CLDN3: variants seen among roughly 807,000 people sequenced by gnomAD.
CLDN3 encodes claudin-3.
Under a neutral mutation model 16.3 loss-of-function variants are expected in CLDN3, and 6 were observed. That is an observed-to-expected ratio of 0.37 (90% confidence interval 0.20 to 0.73). The LOEUF (loss-of-function observed/expected upper bound fraction) is 0.73. CLDN3 is among the 30% of genes least tolerant of loss of function. The pLI, the probability that CLDN3 is intolerant of heterozygous loss-of-function variation, is 0.52. For synonymous variants in CLDN3, 145 were observed against 150.1 expected (o/e 0.97, Z 0.25); for missense variants, 248 against 305.2 (o/e 0.81, Z 1.40).
chr7:73,769,671 CG>C lies in CLDN3; in HGVS notation c.378del (p.Ala127ProfsTer172), dbSNP rs1253204210. 6.2e-7 allele frequency: 1 copy of C among 1,612,726 alleles called. No individual in the cohort carries two copies. Among genetic ancestry groups the C allele is most frequent in the Non-Finnish European group, 8.5e-7 (1 of 1,179,816 alleles). On this transcript the variant is annotated frameshift_variant, in exon 1 of 1. Coordinates refer to ENST00000395145, the MANE Select transcript of CLDN3 (RefSeq NM_001306.4). LOFTEE classifies it high-confidence loss of function. ...ACCGGCACGAGGGTGAGCAGGGCGG[CG>C]AGAAGGAACAGCACGCCTGCCACGA... is the stretch of plus-strand genomic sequence containing the variant. ...ITIVAGVLFL[L>X]AALLTLVPVS...
rs1787029774 is a variant in CLDN3 at position 73,770,154 on chromosome 7, C to A, written c.-105G>T. On this transcript the variant is annotated 5_prime_UTR_variant, in exon 1 of 1. Transcript: ENST00000395145. The surrounding 1 kb of genome is among the most constrained non-coding windows in gnomAD (Gnocchi z 5.7). The stretch of plus-strand genomic sequence containing the variant: ...GAGCTGCGGCGCCCCGACGGACGGA[C>A]GGACGGACGGACTGACTCACCGACG... The A allele has an allele frequency of 2.2e-6, 3 of 1,364,016 alleles. No individual in the cohort carries two copies. In the South Asian group the frequency reaches 5.1e-5, roughly 23 times the overall value. 84.5% of individuals were successfully genotyped at this position (1,364,016 alleles called of 1,614,324 possible). A position where few individuals can be genotyped will look rare whatever the true frequency, so the allele number is the denominator to read the frequency against.
chr7:73,769,549 C>T lies in CLDN3; in HGVS notation c.501G>A (p.Trp167Ter). ...CCAGCAGCTGCAGCGCCGCGGCCGCCCAGCCCACGTACAGGCCCGCGCCCA... is the reference window on the plus strand; with the variant it reads ...CCAGCAGCTGCAGCGCCGCGGCCGCTCAGCCCACGTACAGGCCCGCGCCCA... ...REMGAGLYVG[W>*]AAAALQLLGG... Residue 167 changes from tryptophan (W) to a stop codon, truncating the protein, a stop_gained, in exon 1 of 1, where the codon TGG becomes TGA. Coordinates refer to ENST00000395145, the MANE Select transcript of CLDN3 (RefSeq NM_001306.4). LOFTEE classifies it high-confidence loss of function. 1 of 1,602,454 alleles carries T rather than the reference C, an allele frequency of 6.2e-7. No individual in the cohort carries two copies. Among genetic ancestry groups the T allele is most frequent in the Middle Eastern group, 1.7e-4 (1 of 5,996 alleles).
At position 73,770,125 on chromosome 7, in the gene CLDN3, G is replaced by A. The variant is rs2130426680; in HGVS notation, c.-76C>T. 1.4e-6 allele frequency: 2 copies of A among 1,384,218 alleles called. No homozygotes were observed. The highest frequency in any genetic ancestry group is 5.9e-5 in the East Asian group (2 of 33,962). 85.7% of individuals were successfully genotyped at this position (1,384,218 alleles called of 1,614,324 possible). A position where few individuals can be genotyped will look rare whatever the true frequency, so the allele number is the denominator to read the frequency against. ...CGAGGGGCCGGGGCCGCTGGGCCTG[G>A]CGGGAGCTGCGGCGCCCCGACGGAC... On this transcript the variant is annotated 5_prime_UTR_variant, in exon 1 of 1. Transcript: ENST00000395145. The surrounding 1 kb of genome is among the most constrained non-coding windows in gnomAD (Gnocchi z 5.7).
Position 73,769,524 on chromosome 7 carries a change from C to T in CLDN3, c.526G>A (p.Gly176Arg). The change falls in exon 1 of 1, where the codon GGG (glycine) becomes AGG (arginine). Residue 176 changes from glycine (G) to arginine (R), a missense_variant. Transcript: ENST00000395145. ...CACGAGCAGCAGAGCAGCGCGCCCC[C>T]CAGCAGCTGCAGCGCCGCGGCCGCC... ...GWAAAALQLL[G>R]GALLCCSCPP... The T allele has an allele frequency of 3.1e-6, 5 of 1,606,540 alleles. No individual in the cohort carries two copies. The highest frequency in any genetic ancestry group is 4.2e-6 in the Non-Finnish European group (5 of 1,177,114).
chr7:73,769,424 C>T lies in CLDN3; in HGVS notation c.626G>A (p.Ser209Asn), dbSNP rs1436474524. The T allele has an allele frequency of 2.0e-5, 32 of 1,602,916 alleles. No individual in the cohort carries two copies. The highest frequency in any genetic ancestry group is 2.6e-5 in the Non-Finnish European group (31 of 1,179,638). ...SAPRSTGPGA[S>N]LGTGYDRKDY... ...CTTGCGGTCGTAGCCTGTGCCCAGG[C>T]TGGCTCCCGGGCCGGTGGAGCGCGG... The change falls in exon 1 of 1, where the codon AGC becomes AAC. Residue 209 changes from serine (S) to asparagine (N), a missense_variant. By Grantham distance (46) the Ser-to-Asn change is conservative (BLOSUM62 1). Coordinates refer to ENST00000395145, the MANE Select transcript of CLDN3 (RefSeq NM_001306.4).
chr7:73,769,333 G>A lies in CLDN3; in HGVS notation c.*54C>T, dbSNP rs1444708497. ...CTGGTGCGCGCTCCAGCTCGCGGTG[G>A]TGGTGGTGGTGTTGGTGGTGGTGGT... On this transcript the variant is annotated 3_prime_UTR_variant, in exon 1 of 1. Transcript: ENST00000395145. The A allele has an allele frequency of 1.3e-6, 2 of 1,543,234 alleles. No individual in the cohort carries two copies. The highest frequency in any genetic ancestry group is 2.7e-5 in the African/African-American group (2 of 73,272).
In CLDN3 at chr7:73,769,345, TTGGTGGTGG is replaced by T. The variant is rs782032979; in HGVS notation, c.*33_*41del. On this transcript the variant is annotated 3_prime_UTR_variant, in exon 1 of 1. Coordinates refer to ENST00000395145, the MANE Select transcript of CLDN3 (RefSeq NM_001306.4). ...CCAGCTCGCGGTGGTGGTGGTGGTG[TTGGTGGTGG>T]TGGTGGTGGTGGGGTCTCCCTGCGT... The T allele has an allele frequency of 1.7e-4, 256 of 1,546,302 alleles. 3 individuals are homozygous for T. Among genetic ancestry groups the T allele is most frequent in the East Asian group, 1.6e-3 (70 of 43,490 alleles).
rs932926600 is a variant in CLDN3, at chr7:73,770,130, A to C, written c.-81T>G. 1.4e-6 allele frequency: 2 copies of C among 1,381,494 alleles called. No homozygotes were observed. The highest frequency in any genetic ancestry group is 3.3e-5 in the South Asian group (2 of 60,384). 85.6% of individuals were successfully genotyped at this position (1,381,494 alleles called of 1,614,324 possible). Reference sequence around the variant, plus strand: ...GGCCGGGGCCGCTGGGCCTGGCGGGAGCTGCGGCGCCCCGACGGACGGACG... The same window carrying C: ...GGCCGGGGCCGCTGGGCCTGGCGGGCGCTGCGGCGCCCCGACGGACGGACG... On this transcript the variant is annotated 5_prime_UTR_variant, in exon 1 of 1. Transcript: ENST00000395145. The surrounding 1 kb of genome is among the most constrained non-coding windows in gnomAD (Gnocchi z 5.7).
At position 73,770,123 on chromosome 7, in the gene CLDN3, T is replaced by C. The variant is rs1584303069; in HGVS notation, c.-74A>G. 1.4e-6 allele frequency: 2 copies of C among 1,387,130 alleles called. No homozygotes were observed. The highest frequency in any genetic ancestry group is 5.9e-5 in the East Asian group (2 of 34,068). The allele number at this position is 1,387,130 out of a possible 1,614,324, so 85.9% of individuals were successfully genotyped here. The stretch of plus-strand genomic sequence containing the variant: ...GACGAGGGGCCGGGGCCGCTGGGCC[T>C]GGCGGGAGCTGCGGCGCCCCGACGG... On this transcript the variant is annotated 5_prime_UTR_variant, in exon 1 of 1. Transcript: ENST00000395145. This position sits in a 1 kb window ranked among gnomAD's most constrained non-coding sequence, Gnocchi z 5.7.
rs1476652670 is a variant in CLDN3 at position 73,769,205 on chromosome 7, C to T, written c.*182G>A. 16 of 1,413,776 alleles carry T rather than the reference C, an allele frequency of 1.1e-5. No individual in the cohort carries two copies. The highest frequency in any genetic ancestry group is 1.5e-5 in the Non-Finnish European group (16 of 1,085,898). 87.6% of individuals were successfully genotyped at this position (1,413,776 alleles called of 1,614,324 possible). On this transcript the variant is annotated 3_prime_UTR_variant, in exon 1 of 1. Coordinates refer to ENST00000395145, the MANE Select transcript of CLDN3 (RefSeq NM_001306.4). ...GGGCCCCGAAGTCGACTGCCCGGCC[C>T]GCAAAGCCGTGGCTGCTGGGGAAGC...
Position 73,769,374 on chromosome 7 carries a change from C to T in CLDN3, c.*13G>A. Reference sequence around the variant, plus strand: ...TGGTGGTGGTGGTGGTGGGGTCTCCCTGCGTCTGTCCCTTAGACGTAGTCC... The same window carrying T: ...TGGTGGTGGTGGTGGTGGGGTCTCCTTGCGTCTGTCCCTTAGACGTAGTCC... On this transcript the variant is annotated 3_prime_UTR_variant, in exon 1 of 1. Coordinates refer to ENST00000395145, the MANE Select transcript of CLDN3 (RefSeq NM_001306.4). 6.3e-7 allele frequency: 1 copy of T among 1,580,904 alleles called. No homozygotes were observed. The highest frequency in any genetic ancestry group is 1.3e-5 in the African/African-American group (1 of 74,548).
In CLDN3 at chr7:73,770,218, G is replaced by A. The variant is rs11549497; in HGVS notation, c.-169C>T. 3 of 1,039,798 alleles carry A rather than the reference G, an allele frequency of 2.9e-6. No homozygotes were observed. The highest frequency in any genetic ancestry group is 4.5e-5 in the South Asian group (2 of 44,390). 64.4% of individuals were successfully genotyped at this position (1,039,798 alleles called of 1,614,324 possible). On this transcript the variant is annotated 5_prime_UTR_variant, in exon 1 of 1. Transcript: ENST00000395145. This position sits in a 1 kb window ranked among gnomAD's most constrained non-coding sequence, Gnocchi z 5.7. ...GCTCGGCTCCATACGCTCTCGCCGC[G>A]GCTGCGCCTGCACCTGCCTGTGGCT...
In CLDN3 at chr7:73,769,163, C is replaced by T; in HGVS notation, c.*224G>A. ...TCCAGAAGGGTGAGGTTTCACAGTC[C>T]ATGCAGGTTGGTCCCTGGGCCCCGA... On this transcript the variant is annotated 3_prime_UTR_variant, in exon 1 of 1. Transcript: ENST00000395145. 8.5e-7 allele frequency: 1 copy of T among 1,174,428 alleles called. No individual in the cohort carries two copies. Among genetic ancestry groups the T allele is most frequent in the Non-Finnish European group, 1.1e-6 (1 of 873,834 alleles). 72.8% of individuals were successfully genotyped at this position (1,174,428 alleles called of 1,614,324 possible). A position where few individuals can be genotyped will look rare whatever the true frequency, so the allele number is the denominator to read the frequency against.
Position 73,769,775 on chromosome 7 carries a change from A to G in CLDN3, c.275T>C (p.Phe92Ser). The G allele has an allele frequency of 6.2e-7, 1 of 1,611,610 alleles. No individual in the cohort carries two copies. Among genetic ancestry groups the G allele is most frequent in the Non-Finnish European group, 8.5e-7 (1 of 1,179,116 alleles). The change falls in exon 1 of 1, where the codon TTC (phenylalanine) becomes TCC (serine). Residue 92 changes from phenylalanine to serine, a missense_variant. By Grantham distance (155) the Phe-to-Ser change is radical. Transcript: ENST00000395145. The part of the protein sequence containing the change: ...LIVVAILLAA[F>S]GLLVALVGAQ... ...GCCCACCAGCGCCACTAGCAGCCCG[A>G]AGGCGGCCAGCAGGATGGCCACCAC...
Position 73,769,565 on chromosome 7 carries a change from C to A in CLDN3, c.485G>T (p.Gly162Val). Residue 162 changes from glycine (G) to valine (V), a missense_variant, in exon 1 of 1, where the codon GGC (glycine) becomes GTC (valine). Gly to Val is a moderately radical substitution (Grantham distance 109). Transcript: ENST00000395145. ...PEAQKREMGA[G>V]LYVGWAAAAL... is the part of the protein sequence containing the mutation. The stretch of plus-strand genomic sequence containing the variant: ...CGCGGCCGCCCAGCCCACGTACAGG[C>A]CCGCGCCCATCTCGCGCTTCTGCGC... The A allele has an allele frequency of 6.2e-7, 1 of 1,603,172 alleles. No individual in the cohort carries two copies. Among genetic ancestry groups the A allele is most frequent in the Non-Finnish European group, 8.5e-7 (1 of 1,174,836 alleles).
rs1445279368 is a variant in CLDN3, at chr7:73,770,257, G to A, written c.-208C>T. Reference sequence around the variant, plus strand: ...CTGCCTGTGGCTTTGTGGGCGGGCGGCGGCGACTGGGCTGGCCCTGGGCTG... The same window carrying A: ...CTGCCTGTGGCTTTGTGGGCGGGCGACGGCGACTGGGCTGGCCCTGGGCTG... On this transcript the variant is annotated 5_prime_UTR_variant, in exon 1 of 1. Coordinates refer to ENST00000395145, the MANE Select transcript of CLDN3 (RefSeq NM_001306.4). This position sits in a 1 kb window ranked among gnomAD's most constrained non-coding sequence, Gnocchi z 5.7. The A allele has an allele frequency of 1.1e-5, 8 of 728,002 alleles. No individual in the cohort carries two copies. Among genetic ancestry groups the A allele is most frequent in the African/African-American group, 1.9e-5 (1 of 53,162 alleles). 45.1% of individuals were successfully genotyped at this position (728,002 alleles called of 1,614,324 possible).
Position 73,769,740 on chromosome 7 carries a change from T to C in CLDN3, c.310A>G (p.Thr104Ala). The C allele has an allele frequency of 6.2e-7, 1 of 1,611,160 alleles. No individual in the cohort carries two copies. Among genetic ancestry groups the C allele is most frequent in the Non-Finnish European group, 8.5e-7 (1 of 1,178,888 alleles). The change falls in exon 1 of 1, where the codon ACC becomes GCC. Residue 104 changes from threonine to alanine, a missense_variant. Thr to Ala is a moderately conservative substitution (Grantham distance 58, BLOSUM62 0). Transcript: ENST00000395145. ...LLVALVGAQCTNCVQDDTAKA... is the reference protein window; with the variant it reads ...LLVALVGAQCANCVQDDTAKA... ...GCCGTGTCGTCCTGCACGCAGTTGG[T>C]GCACTGGGCGCCCACCAGCGCCACT...
Position 73,769,179 on chromosome 7 carries a change from T to G in CLDN3, c.*208A>C, listed in dbSNP as rs1434167056. 9 of 1,333,866 alleles carry G rather than the reference T, an allele frequency of 6.7e-6. No individual in the cohort carries two copies. The East Asian group carries it at 2.4e-4, about 36-fold the overall frequency. 82.6% of individuals were successfully genotyped at this position (1,333,866 alleles called of 1,614,324 possible). A position where few individuals can be genotyped will look rare whatever the true frequency, so the allele number is the denominator to read the frequency against. ...TTCACAGTCCATGCAGGTTGGTCCC[T>G]GGGCCCCGAAGTCGACTGCCCGGCC... On this transcript the variant is annotated 3_prime_UTR_variant, in exon 1 of 1. Coordinates refer to ENST00000395145, the MANE Select transcript of CLDN3 (RefSeq NM_001306.4).
Position 73,769,071 on chromosome 7 carries a change from A to G in CLDN3, c.*316T>C. 1 of 499,394 alleles carries G rather than the reference A, an allele frequency of 2.0e-6. No individual in the cohort carries two copies. Among genetic ancestry groups the G allele is most frequent in the African/African-American group, 2.0e-5 (1 of 49,454 alleles). 30.9% of individuals were successfully genotyped at this position (499,394 alleles called of 1,614,324 possible). A position where few individuals can be genotyped will look rare whatever the true frequency, so the allele number is the denominator to read the frequency against. ...CTGCCGGTCCCTGCCCAGCGCGAGC[A>G]TGGGGGCAGCGGCCCGATGGGGCTC... On this transcript the variant is annotated 3_prime_UTR_variant, in exon 1 of 1. Coordinates refer to ENST00000395145, the MANE Select transcript of CLDN3 (RefSeq NM_001306.4).
Sources: allele counts gnomAD v4.1 joint callset, GRCh38; gene constraint gnomAD v4.1.1; non-coding constraint Gnocchi (gnomAD v3.1); transcripts MANE v1.5; gene names NCBI Gene and HGNC (gene_info 2026-07-23, HGNC 2026-07-21).